Variants in SMYD3 observed in about 807,000 individuals in gnomAD.
SMYD3 encodes the protein SET and MYND domain containing 3, also known as histone-lysine N-methyltransferase SMYD3.
A neutral mutation model predicts 57.7 loss-of-function variants in SMYD3; 36 were observed. The ratio of observed to expected loss-of-function variants is 0.62; its 90% CI spans 0.48 to 0.82. The LOEUF (loss-of-function observed/expected upper bound fraction) is 0.82, where lower values mean the gene tolerates loss of function less well. Among genes scored for constraint, SMYD3 ranks in the 40% least tolerant of loss-of-function variants. The pLI, the probability that SMYD3 is intolerant of heterozygous loss-of-function variation, is 0.00. For synonymous variants in SMYD3, 211 were observed against 195.0 expected (o/e 1.08, Z -0.68); for missense variants, 515 against 538.8 (o/e 0.96, Z 0.44).
chr1:245,951,386 G>T (rs1170826219), intron 5 of SMYD3, among the ~76,000 whole-genome samples: 1 of 139,778 alleles, frequency 7.2e-6, no homozygotes, highest in African/African-American at 2.9e-5. Flanking sequence ...TGGCTAACAC[G>T]GTGAAACCCC....
At chr1:246,385,400 C>T (rs746652274) in intron 1 of SMYD3, among the ~76,000 whole-genome samples, 16 of 151,766 alleles carry the variant, frequency 1.1e-4, no homozygotes, top group Non-Finnish European at 1.5e-4. Flanking sequence ...CATGGCACTA[C>T]GGGCTTTTAA....
intron 5 of SMYD3, among the ~76,000 whole-genome samples, chr1:246,253,518 G>C (rs1296700650): frequency 2.6e-5 from 4 of 152,176 alleles, no homozygotes; most frequent in Non-Finnish European, 5.9e-5. Context: ...CCAGTCTACT[G>C]TTGCTAGGCA....
At chr1:246,295,784 T>C (rs1369307924) in intron 5 of SMYD3, among the ~76,000 whole-genome samples, 1 of 152,224 alleles carries the variant, frequency 6.6e-6, no homozygotes, top group Non-Finnish European at 1.5e-5. Flanking sequence ...TATAGCCATA[T>C]GATCTGGAAA....
At chr1:245,793,133 C>T (rs1479772437) in intron 10 of SMYD3, among the ~76,000 whole-genome samples, 2 of 146,414 alleles carry the variant, frequency 1.4e-5, no homozygotes, top group South Asian at 2.3e-4. Context: ...CACGGTGAAA[C>T]CCCGTCTCTA....
intron 5 of SMYD3, among the ~76,000 whole-genome samples, chr1:246,006,393 G>A (rs1401919653): frequency 6.6e-6 from 1 of 152,050 alleles, no homozygotes; most frequent in East Asian, 1.9e-4. Flanking sequence ...CTGGACCCAC[G>A]TAGGTTCCTC....
At chr1:246,172,612 C>T (rs569497712) in intron 5 of SMYD3, among the ~76,000 whole-genome samples, 90 of 150,850 alleles carry the variant, frequency 6.0e-4, no homozygotes, top group African/African-American at 2.0e-3. Context: ...CAACACTACA[C>T]ACTTAGGCTA....
At chr1:246,114,405 T>C (rs1402927891) in intron 5 of SMYD3, among the ~76,000 whole-genome samples, 2 of 152,134 alleles carry the variant, frequency 1.3e-5, no homozygotes, top group Non-Finnish European at 2.9e-5. Flanking sequence ...CAGCCCCCGA[T>C]GGGGGAGAAC....
intron 2 of SMYD3, among the ~76,000 whole-genome samples, chr1:246,352,881 T>C (rs1284496310): frequency 2.6e-5 from 4 of 152,216 alleles, no homozygotes; most frequent in African/African-American, 4.8e-5. Context: ...AAGTGTTTTA[T>C]TAATAAACTG....
chr1:246,362,356 A>C (rs1039980572), intron 1 of SMYD3, among the ~76,000 whole-genome samples: 4 of 148,800 alleles, frequency 2.7e-5, no homozygotes, highest in Non-Finnish European at 5.9e-5. Context: ...TATCTCCCCC[A>C]AATCACCTGG....
At chr1:246,373,810 T>A (rs1254453818) in intron 1 of SMYD3, among the ~76,000 whole-genome samples, 1 of 152,208 alleles carries the variant, frequency 6.6e-6, no homozygotes, top group Non-Finnish European at 1.5e-5. Flanking sequence ...TAACTTTTAT[T>A]TGATTTGGAG....
chr1:246,494,080 A>G (rs1199386684), intron 1 of SMYD3, among the ~76,000 whole-genome samples: 1 of 152,166 alleles, frequency 6.6e-6, no homozygotes, highest in Non-Finnish European at 1.5e-5. Context: ...ATTCACCCAA[A>G]TCAGGACTCC....
chr1:246,237,393 CATACTT>C (rs2063529701), intron 5 of SMYD3, among the ~76,000 whole-genome samples: 1 of 152,128 alleles, frequency 6.6e-6, no homozygotes, highest in Admixed American at 6.5e-5. Context: ...AAATTTAACA[CATACTT>C]ATGGTTGTTG....
chr1:245,929,935 C>G lies in SMYD3; in HGVS notation c.534G>C (p.Val178=). The G allele has an allele frequency of 6.2e-7, 1 of 1,613,204 alleles. No homozygotes were observed. The highest frequency in any genetic ancestry group is 1.1e-5 in the South Asian group (1 of 91,042). The change falls in exon 6 of 12, where the codon GTG becomes GTC. Residue 178 remains valine, a splice_region_variant and synonymous_variant. Coordinates refer to ENST00000490107, the MANE Select transcript of SMYD3 (RefSeq NM_001167740.2). The part of the protein sequence containing the change: ...AFDLFEAFAK[V]ICNSFTICNA... ...TACAGATGGTGAAAGAGTTGCAGAT[C>G]ACCTGTAAACACAAGGGGAACCATC...
chr1:246,001,514 C>A (rs1158106953), intron 5 of SMYD3, among the ~76,000 whole-genome samples: 2 of 137,060 alleles, frequency 1.5e-5, no homozygotes, highest in Non-Finnish European at 3.3e-5. Flanking sequence ...TGGAGATGGG[C>A]CGTTTTTACA....
intron 5 of SMYD3, among the ~76,000 whole-genome samples, chr1:245,965,646 G>A (rs1029178289): frequency 5.3e-5 from 8 of 152,110 alleles, no homozygotes; most frequent in African/African-American, 9.7e-5. Context: ...CACTTTATAC[G>A]GTATGATTTC....
At chr1:246,074,084 T>C (rs1286127087) in intron 5 of SMYD3, among the ~76,000 whole-genome samples, 1 of 152,184 alleles carries the variant, frequency 6.6e-6, no homozygotes, top group Non-Finnish European at 1.5e-5. Flanking sequence ...TTTTAGCTCA[T>C]CAGCTATCAT....
At chr1:245,907,997 G>A (rs989443497) in intron 8 of SMYD3, among the ~76,000 whole-genome samples, 31 of 152,066 alleles carry the variant, frequency 2.0e-4, no homozygotes, top group African/African-American at 5.3e-4. Flanking sequence ...TCAGCTGGGC[G>A]TGGTGGCTCG....
Position 246,229,438 on chromosome 1 carries a change from T to G in SMYD3, c.531+97763A>C, listed in dbSNP as rs552021432. 5.3e-5 allele frequency among the ~76,000 whole-genome samples: 8 copies of G among 152,364 alleles called. No homozygotes were observed. The South Asian group carries it at 1.2e-3, about 24-fold the overall frequency. ...AATGCCAATAATTTACTTAATCCTA[T>G]TGAAATTTAAATTTTGCAACTCTCT... On this transcript the variant is annotated intron_variant, in intron 5 of 11. Coordinates refer to ENST00000490107, the MANE Select transcript of SMYD3 (RefSeq NM_001167740.2).
Position 245,915,519 on chromosome 1 carries a change from A to G in SMYD3, c.813+11T>C. 1 of 1,584,918 alleles carries G rather than the reference A, an allele frequency of 6.3e-7. No homozygotes were observed. The highest frequency in any genetic ancestry group is 8.7e-7 in the Non-Finnish European group (1 of 1,154,434). ...CGTGGAGGTGTTTCAATCTGGTTCCATACTACATACCTTGTCCTGGGTTTG... is the reference window on the plus strand; with the variant it reads ...CGTGGAGGTGTTTCAATCTGGTTCCGTACTACATACCTTGTCCTGGGTTTG... On this transcript the variant is annotated intron_variant, in intron 8 of 11. Coordinates refer to ENST00000490107, the MANE Select transcript of SMYD3 (RefSeq NM_001167740.2).
Sources: allele counts gnomAD v4.1 joint callset (sites outside exome capture counted in the v4.1 genomes callset), GRCh38; gene constraint gnomAD v4.1.1; transcripts MANE v1.5; gene names NCBI Gene and HGNC (gene_info 2026-07-23, HGNC 2026-07-21).